The following KIF5C variants were observed in gnomAD, a reference collection of about 807,000 sequenced individuals.
The protein encoded by KIF5C is kinesin heavy chain isoform 5C.
KIF5C carries 18 observed loss-of-function variants against 125.2 expected under a neutral mutation model. That is an observed-to-expected ratio of 0.14 (90% CI 0.10 to 0.21). The LOEUF (loss-of-function observed/expected upper bound fraction) is 0.21. KIF5C is among the 10% of genes least tolerant of loss of function. KIF5C has a pLI of 1.00. For missense variants in KIF5C, 780 were observed against 1,183.8 expected (o/e 0.66, Z 5.01); for synonymous variants, 405 against 434.0 (o/e 0.93, Z 0.83).
Position 148,897,705 on chromosome 2 carries a change from A to T in KIF5C, c.126+21962A>T, listed in dbSNP as rs546304303. Among the ~76,000 whole-genome samples the T allele has an allele frequency of 2.0e-5, 3 of 151,940 alleles. No individual in the cohort carries two copies. In the South Asian group the frequency reaches 6.2e-4, roughly 32 times the overall value. ...AGGCCAAGGCAGGTGGATCACTTGCAGTCAGGAGTTTGAGACCTGCCTGGC... is the reference window on the plus strand; with the variant it reads ...AGGCCAAGGCAGGTGGATCACTTGCTGTCAGGAGTTTGAGACCTGCCTGGC... On this transcript the variant is annotated intron_variant, in intron 1 of 25. Transcript: ENST00000435030.
chr2:148,990,911 T>C, intron 15 of KIF5C, 99 bp from the exon 16 acceptor site: 1 of 1,459,222 alleles, frequency 6.9e-7, no homozygotes, highest in Non-Finnish European at 9.1e-7. Flanking sequence ...GAACCAGAAA[T>C]CCATGGACAC....
At chr2:149,007,080 T>C (rs568264876) in intron 22 of KIF5C, among the ~76,000 whole-genome samples, 2 of 152,286 alleles carry the variant, frequency 1.3e-5, no homozygotes, top group South Asian at 2.1e-4. Flanking sequence ...CAAATTCTCA[T>C]ACCCCACCCC....
At chr2:148,996,186 A>C (rs149013082) in intron 17 of KIF5C, among the ~76,000 whole-genome samples, 1 of 152,336 alleles carries the variant, frequency 6.6e-6, no homozygotes, top group Non-Finnish European at 1.5e-5. Context: ...TTGTGTTCCT[A>C]AAAATTCATA....
At chr2:148,932,195 T>C (rs1304232029) in intron 3 of KIF5C, among the ~76,000 whole-genome samples, 2 of 152,194 alleles carry the variant, frequency 1.3e-5, no homozygotes, top group African/African-American at 2.4e-5. Flanking sequence ...GAGGATTTTA[T>C]GTATTCAAAT....
intron 11 of KIF5C, among the ~76,000 whole-genome samples, chr2:148,967,871 G>GTTGGATTC (rs1413981525): frequency 2.6e-5 from 4 of 152,114 alleles, no homozygotes; most frequent in African/African-American, 9.7e-5. Context: ...TATGGAGATA[G>GTTGGATTC]AGTTAAATAG....
At chr2:148,947,127 C>A in intron 8 of KIF5C, 104 bp downstream of exon 8, 4 of 1,437,884 alleles carry the variant, frequency 2.8e-6, no homozygotes, top group Non-Finnish European at 3.7e-6. Context: ...CTTTAAAGAG[C>A]TTTTAAAGTT....
At position 148,876,737 on chromosome 2, in the gene KIF5C, C is replaced by T. The variant is rs1023542332; in HGVS notation, c.126+994C>T. Among the ~76,000 whole-genome samples the T allele has an allele frequency of 8.5e-5, 13 of 152,320 alleles. No individual in the cohort carries two copies. Among genetic ancestry groups the T allele is most frequent in the Admixed American group, 2.6e-4 (4 of 15,306 alleles). ...GATGAAACAAACCAGCTCGGTCCCC[C>T]GCCCCTTCCCCGCCCGCTGTCCGTA... On this transcript the variant is annotated intron_variant, in intron 1 of 25. Coordinates refer to ENST00000435030, the MANE Select transcript of KIF5C (RefSeq NM_004522.3). The surrounding 1 kb of genome is among the most constrained non-coding windows in gnomAD (Gnocchi z 4.7).
chr2:149,002,985 C>G (rs914470211), intron 21 of KIF5C, among the ~76,000 whole-genome samples: 1 of 152,186 alleles, frequency 6.6e-6, no homozygotes, highest in Admixed American at 6.5e-5. Context: ...CGGTTCCATG[C>G]GCACCCTCCC....
chr2:148,956,390 T>C (rs1199597907), intron 10 of KIF5C, among the ~76,000 whole-genome samples: 1 of 152,240 alleles, frequency 6.6e-6, no homozygotes, highest in African/African-American at 2.4e-5. Flanking sequence ...GACTTAACTG[T>C]CTCTGTAGCA....
chr2:148,926,587 C>A (rs1348733091), intron 2 of KIF5C, among the ~76,000 whole-genome samples: 1 of 152,180 alleles, frequency 6.6e-6, no homozygotes, highest in African/African-American at 2.4e-5. Flanking sequence ...TTTCCTGCTA[C>A]GGCTCCCCCT....
At chr2:148,996,275 T>G (rs7577492) in intron 17 of KIF5C, among the ~76,000 whole-genome samples, 8,700 of 152,306 alleles carry the variant, frequency 0.057, 660 homozygotes, top group African/African-American at 0.17. Flanking sequence ...TATTGTTGTT[T>G]TACAGTTTGC....
chr2:149,005,238 G>A (rs1475980244), intron 21 of KIF5C, among the ~76,000 whole-genome samples, 155 bp from the exon 22 acceptor site: 2 of 152,004 alleles, frequency 1.3e-5, no homozygotes, highest in Non-Finnish European at 2.9e-5. Flanking sequence ...AGGTCCAGGG[G>A]TGGGCATGGT....
At chr2:149,000,696 G>A (rs570124187) in intron 20 of KIF5C, 26 bp from the exon 21 acceptor site, 1 of 1,613,108 alleles carries the variant, frequency 6.2e-7, no homozygotes, top group Admixed American at 1.7e-5. Flanking sequence ...CCCTGTGGTG[G>A]TCTATGGTTC....
At chr2:148,882,086 G>C (rs530942490) in intron 1 of KIF5C, among the ~76,000 whole-genome samples, 30 of 152,254 alleles carry the variant, frequency 2.0e-4, no homozygotes, top group African/African-American at 7.0e-4. Context: ...GGTTGAGTTT[G>C]AGGTTGTTTG....
chr2:149,012,090 G>A (rs1408607095), intron 25 of KIF5C, among the ~76,000 whole-genome samples: 1 of 152,114 alleles, frequency 6.6e-6, no homozygotes, highest in Admixed American at 6.5e-5. Context: ...TATAAAGAAA[G>A]AGCCAGATAA....
intron 10 of KIF5C, among the ~76,000 whole-genome samples, chr2:148,957,478 A>G (rs1305076011): frequency 6.6e-6 from 1 of 151,812 alleles, no homozygotes; most frequent in East Asian, 1.9e-4. Context: ...GAAATTGTAG[A>G]TATTCTATAT....
chr2:149,005,349 C>A, intron 21 of KIF5C, 44 bp from the exon 22 acceptor site: 1 of 1,600,728 alleles, frequency 6.2e-7, no homozygotes, highest in South Asian at 1.1e-5. Context: ...GTCATAAATT[C>A]AGTGAATTGC....
At chr2:149,005,253 G>A in intron 21 of KIF5C, 140 bp from the exon 22 acceptor site, 4 of 1,368,318 alleles carry the variant, frequency 2.9e-6, no homozygotes, top group Non-Finnish European at 3.0e-6. Context: ...CATGGTCAGG[G>A]TGGGGGTGTC....
chr2:148,875,816 C>A, intron 1 of KIF5C, 73 bp downstream of exon 1: 1 of 1,535,210 alleles, frequency 6.5e-7, no homozygotes, highest in South Asian at 1.2e-5. Flanking sequence ...CCAGACGCAG[C>A]GGAGGTGTTT....
Sources: gnomAD v4.1 joint callset for allele counts (sites outside exome capture counted in the v4.1 genomes callset) on GRCh38, gnomAD v4.1.1 for gene constraint, Gnocchi (gnomAD v3.1) non-coding constraint, MANE v1.5 for transcripts, NCBI Gene and HGNC (gene_info 2026-07-23, HGNC 2026-07-21) for gene names.